Variants in SLCO1B1 observed in about 807,000 individuals in gnomAD.
SLCO1B1 encodes OATP-2.
SLCO1B1 carries 81 observed loss-of-function variants against 70.1 expected under a neutral mutation model. That is an observed-to-expected ratio of 1.16 (90% CI 0.97 to 1.39). The LOEUF (loss-of-function observed/expected upper bound fraction) is 1.39. SLCO1B1 is among the 40% of genes most tolerant of loss of function. SLCO1B1 has a pLI of 0.00. For missense variants in SLCO1B1, 895 were observed against 799.6 expected (o/e 1.12, Z -1.44); for synonymous variants, 283 against 271.5 (o/e 1.04, Z -0.42).
intron 1 of SLCO1B1, among the ~76,000 whole-genome samples, chr12:21,135,720 ATG>A (rs1220729472): frequency 6.6e-6 from 1 of 151,964 alleles, no homozygotes; most frequent in Non-Finnish European, 1.5e-5. Context: ...TTTTGAGCCT[ATG>A]TGTGTCTCTG....
chr12:21,193,277 A>T (rs1202993470), intron 7 of SLCO1B1, among the ~76,000 whole-genome samples: 2 of 152,114 alleles, frequency 1.3e-5, no homozygotes, highest in Non-Finnish European at 2.9e-5. Context: ...CATTCTATTT[A>T]TAATTGAAAG....
At chr12:21,221,402 A>G (rs1472077514) in intron 12 of SLCO1B1, among the ~76,000 whole-genome samples, 1 of 152,162 alleles carries the variant, frequency 6.6e-6, no homozygotes, top group African/African-American at 2.4e-5. Context: ...TGCAACAATA[A>G]CAACAAAAAT....
chr12:21,150,124 T>C (rs1565666614), intron 2 of SLCO1B1, among the ~76,000 whole-genome samples: 1 of 152,160 alleles, frequency 6.6e-6, no homozygotes, highest in Admixed American at 6.5e-5. Flanking sequence ...AAAGCCCCTG[T>C]AGCCAGACTG....
At chr12:21,142,567 T>C (rs796076844) in intron 2 of SLCO1B1, among the ~76,000 whole-genome samples, 47 of 152,080 alleles carry the variant, frequency 3.1e-4, no homozygotes, top group African/African-American at 1.1e-3. Flanking sequence ...ATTACAATAA[T>C]GTTATAAAAG....
intron 7 of SLCO1B1, among the ~76,000 whole-genome samples, chr12:21,195,705 C>T (rs745848718): frequency 3.9e-5 from 6 of 152,220 alleles, no homozygotes; most frequent in Middle Eastern, 3.4e-3. Flanking sequence ...TTTTTTTTAA[C>T]TTGGTCATTC....
At chr12:21,158,303 G>C (rs192221029) in intron 2 of SLCO1B1, among the ~76,000 whole-genome samples, 26 of 152,254 alleles carry the variant, frequency 1.7e-4, no homozygotes, top group African/African-American at 6.0e-4. Context: ...CATGTTATTA[G>C]ATGTTTAAAA....
At chr12:21,202,446 C>A in intron 9 of SLCO1B1, 45 bp from the exon 10 acceptor site, 1 of 1,224,230 alleles carries the variant, frequency 8.2e-7, no homozygotes, top group Non-Finnish European at 1.2e-6. Context: ...AAAGACATAT[C>A]AGAAAACTCA....
Position 21,217,287 on chromosome 12 carries a change from G to A in SLCO1B1, c.1666G>A (p.Val556Ile). The part of the protein sequence containing the change: ...FFSALGGTSH[V>I]MLIVKIVQPE... Reference sequence around the variant, plus strand: ...CTCTGCACTTGGAGGCACCTCACATGTCATGCTGATTGTTAAGTAAGTATG... The same window carrying A: ...CTCTGCACTTGGAGGCACCTCACATATCATGCTGATTGTTAAGTAAGTATG... Residue 556 changes from valine (V) to isoleucine (I), a missense_variant, in exon 12 of 15, where the codon GTC (valine) becomes ATC (isoleucine). Transcript: ENST00000256958. The A allele has an allele frequency of 1.2e-6, 2 of 1,613,616 alleles. No homozygotes were observed. The highest frequency in any genetic ancestry group is 1.7e-6 in the Non-Finnish European group (2 of 1,179,660).
At chr12:21,187,676 A>G (rs892220068) in intron 7 of SLCO1B1, among the ~76,000 whole-genome samples, 7 of 152,158 alleles carry the variant, frequency 4.6e-5, no homozygotes, top group Non-Finnish European at 1.0e-4. Flanking sequence ...GGGAAAAAAA[A>G]AAGTGAAAGT....
At chr12:21,200,936 T>C (rs922790678) in intron 9 of SLCO1B1, among the ~76,000 whole-genome samples, 1 of 152,126 alleles carries the variant, frequency 6.6e-6, no homozygotes, top group Non-Finnish European at 1.5e-5. Context: ...AGTATCTGTA[T>C]AATTGGATCT....
At chr12:21,215,403 A>G (rs1941345872) in intron 11 of SLCO1B1, among the ~76,000 whole-genome samples, 1 of 152,204 alleles carries the variant, frequency 6.6e-6, no homozygotes, top group African/African-American at 2.4e-5. Context: ...GGTGGATTTT[A>G]TTGAAAGCTT....
At chr12:21,167,722 A>G (rs929344206) in intron 2 of SLCO1B1, among the ~76,000 whole-genome samples, 3 of 152,198 alleles carry the variant, frequency 2.0e-5, no homozygotes, top group Middle Eastern at 3.4e-3. Context: ...TGTATCCACT[A>G]AACTATCTTC....
intron 4 of SLCO1B1, among the ~76,000 whole-genome samples, chr12:21,176,196 T>C (rs1198731481): frequency 6.6e-6 from 1 of 152,172 alleles, no homozygotes; most frequent in East Asian, 1.9e-4. Context: ...GTTTTATTTC[T>C]AGCTCTTTGA....
intron 7 of SLCO1B1, among the ~76,000 whole-genome samples, chr12:21,189,933 C>T (rs769345629): frequency 2.0e-4 from 31 of 152,110 alleles, no homozygotes; most frequent in Non-Finnish European, 3.7e-4. Context: ...GAATAGTCAC[C>T]CTGCTGCATA....
intron 2 of SLCO1B1, among the ~76,000 whole-genome samples, chr12:21,161,866 G>A (rs1273513063): frequency 1.3e-5 from 2 of 152,018 alleles, no homozygotes; most frequent in Non-Finnish European, 2.9e-5. Context: ...AAATTAGCCA[G>A]GTGTGATGGC....
chr12:21,177,014 T>G, intron 5 of SLCO1B1, 117 bp downstream of exon 5: 2 of 777,398 alleles, frequency 2.6e-6, no homozygotes, highest in Non-Finnish European at 2.2e-6. Flanking sequence ...AGGAAAAACA[T>G]TTGACTCTTA....
chr12:21,217,336 C>T (rs1224309939), intron 12 of SLCO1B1, 33 bp downstream of exon 12: 1 of 1,533,444 alleles, frequency 6.5e-7, no homozygotes, highest in Admixed American at 1.7e-5. Flanking sequence ...TTTTCATATG[C>T]ATGAGACTAT....
intron 11 of SLCO1B1, among the ~76,000 whole-genome samples, 196 bp downstream of exon 11, chr12:21,206,229 T>C (rs544677089): frequency 6.6e-6 from 1 of 151,950 alleles, no homozygotes; most frequent in East Asian, 1.9e-4. Context: ...CACAATCAGG[T>C]TTTTCTGTTA....
chr12:21,189,869 CACTT>C (rs1941008549), intron 7 of SLCO1B1, among the ~76,000 whole-genome samples: 1 of 152,170 alleles, frequency 6.6e-6, no homozygotes, highest in African/African-American at 2.4e-5. Context: ...GTAGTGGAAA[CACTT>C]AACATCTACT....
Sources: gnomAD v4.1 joint callset for allele counts (sites outside exome capture counted in the v4.1 genomes callset) on GRCh38, gnomAD v4.1.1 for gene constraint, MANE v1.5 for transcripts, NCBI Gene and HGNC (gene_info 2026-07-23, HGNC 2026-07-21) for gene names.